ZNF608: variants seen among roughly 807,000 people sequenced by gnomAD.
ZNF608 encodes zinc finger protein 608.
Under a neutral mutation model 109.0 loss-of-function variants are expected in ZNF608, and 12 were observed. The observed-to-expected ratio is 0.11, with a 90% CI of 0.07 to 0.18. The LOEUF (loss-of-function observed/expected upper bound fraction) is 0.18. ZNF608 is among the 10% of genes least tolerant of loss of function. The pLI, the probability that ZNF608 is intolerant of heterozygous loss-of-function variation, is 1.00. For synonymous variants in ZNF608, 732 were observed against 717.4 expected (o/e 1.02, Z -0.33); for missense variants, 1,707 against 1,879.3 (o/e 0.91, Z 1.70).
At chr5:124,689,568 T>C (rs1431499712) in intron 3 of ZNF608, among the ~76,000 whole-genome samples, 1 of 151,524 alleles carries the variant, frequency 6.6e-6, no homozygotes, top group African/African-American at 2.4e-5. Flanking sequence ...AACAACTCTG[T>C]AAGAAAAATG....
chr5:124,657,904 T>C (rs553127237), intron 3 of ZNF608, among the ~76,000 whole-genome samples: 2 of 152,330 alleles, frequency 1.3e-5, no homozygotes, highest in East Asian at 3.9e-4. Flanking sequence ...TCAGGAATTT[T>C]GATCAGTAAC....
intron 2 of ZNF608, among the ~76,000 whole-genome samples, chr5:124,724,437 C>A (rs1419721304): frequency 6.9e-6 from 1 of 144,910 alleles, no homozygotes; most frequent in East Asian, 2.0e-4. Context: ...TTTCTCAGGG[C>A]TCTGGACCAG....
intron 2 of ZNF608, 57 bp from the exon 3 acceptor site, chr5:124,701,326 G>A: frequency 6.3e-7 from 1 of 1,589,316 alleles, no homozygotes; most frequent in Non-Finnish European, 8.6e-7. Flanking sequence ...TCCTTTTAAT[G>A]CAATTTGCTT....
At chr5:124,658,056 C>T (rs905469047) in intron 3 of ZNF608, among the ~76,000 whole-genome samples, 50 of 152,108 alleles carry the variant, frequency 3.3e-4, no homozygotes, top group African/African-American at 1.2e-3. Context: ...TTGTGTAGAC[C>T]GTTCCTCTAG....
chr5:124,647,368 G>C lies in ZNF608; in HGVS notation c.3016C>G (p.Pro1006Ala). 6.2e-7 allele frequency: 1 copy of C among 1,614,214 alleles called. No individual in the cohort carries two copies. Among genetic ancestry groups the C allele is most frequent in the South Asian group, 1.1e-5 (1 of 91,078 alleles). ...ACCTGCCCAGGGTGCATGTAACTTG[G>C]AGAATAATAAGGATCATAGCTGTGG... is the stretch of plus-strand genomic sequence containing the variant. ...YYHSYDPYYS[P>A]SYMHPGQVGA... is the part of the protein sequence containing the mutation. Residue 1006 changes from proline (P) to alanine (A), a missense_variant, in exon 5 of 10, where the codon CCA (proline) becomes GCA (alanine). Transcript: ENST00000513986.
intron 2 of ZNF608, among the ~76,000 whole-genome samples, chr5:124,735,461 CT>C (rs1363132396): frequency 6.6e-6 from 1 of 152,220 alleles, no homozygotes; most frequent in South Asian, 2.1e-4. Context: ...CCTCCATCTG[CT>C]CCCATAGCGA....
chr5:124,729,400 C>T (rs1196502292), intron 2 of ZNF608, among the ~76,000 whole-genome samples: 1 of 152,172 alleles, frequency 6.6e-6, no homozygotes, highest in Non-Finnish European at 1.5e-5. Flanking sequence ...TAACAATGCC[C>T]CTAAACCAAG....
chr5:124,695,854 G>A (rs1336197634), intron 3 of ZNF608, among the ~76,000 whole-genome samples: 1 of 152,064 alleles, frequency 6.6e-6, no homozygotes, highest in African/African-American at 2.4e-5. Flanking sequence ...TATAGGAGAA[G>A]CAGAAGAATT....
intron 2 of ZNF608, among the ~76,000 whole-genome samples, chr5:124,737,382 A>G (rs1228263353): frequency 6.6e-6 from 1 of 152,196 alleles, no homozygotes; most frequent in Admixed American, 6.5e-5. Context: ...TGATATTCAA[A>G]CTAGGTCGGG....
chr5:124,700,345 T>C (rs1015830933), intron 3 of ZNF608, among the ~76,000 whole-genome samples: 2 of 152,262 alleles, frequency 1.3e-5, no homozygotes, highest in African/African-American at 4.8e-5. Flanking sequence ...ATGCTCTGAT[T>C]TATATTCCAA....
chr5:124,644,221 T>C (rs1164720157), intron 6 of ZNF608, 23 bp downstream of exon 6: 6 of 1,562,472 alleles, frequency 3.8e-6, no homozygotes, highest in South Asian at 1.2e-5. Context: ...TCCTCCAATA[T>C]AGTCAGAACC....
chr5:124,670,058 C>T (rs1212327102), intron 3 of ZNF608, among the ~76,000 whole-genome samples: 4 of 152,146 alleles, frequency 2.6e-5, no homozygotes, highest in African/African-American at 9.7e-5. Flanking sequence ...AGCTTTTTAT[C>T]TGCCTGAGTC....
At chr5:124,660,909 C>T (rs1332065148) in intron 3 of ZNF608, among the ~76,000 whole-genome samples, 1 of 152,130 alleles carries the variant, frequency 6.6e-6, no homozygotes, top group East Asian at 1.9e-4. Context: ...CTCCCGCATT[C>T]CTCCCAGGTG....
upstream of ZNF608, among the ~76,000 whole-genome samples, chr5:124,748,021 G>C (rs1030194830): frequency 6.6e-6 from 1 of 152,114 alleles, no homozygotes; most frequent in Non-Finnish European, 1.5e-5. Context: ...TGGTATTTTT[G>C]TTGCTTGCTT....
intron 2 of ZNF608, chr5:124,734,579 C>T (rs1386434164): frequency 6.6e-6 from 1 of 152,148 alleles, no homozygotes; most frequent in Non-Finnish European, 1.5e-5. Context: ...TCAGTACAAC[C>T]ACCCCAGCCG....
upstream of ZNF608, chr5:124,748,601 A>G (rs1749719758): frequency 1.0e-6 from 1 of 984,054 alleles, no homozygotes. Context: ...CAGCCGCTTT[A>G]TTTTGGAAAT....
intron 2 of ZNF608, among the ~76,000 whole-genome samples, chr5:124,742,418 T>C (rs1168002338): frequency 6.6e-6 from 1 of 152,198 alleles, no homozygotes; most frequent in Non-Finnish European, 1.5e-5. Flanking sequence ...ACCACAGCCA[T>C]TGTGAGCACT....
chr5:124,743,125 T>C (rs1580728006), intron 2 of ZNF608, among the ~76,000 whole-genome samples: 2 of 152,192 alleles, frequency 1.3e-5, no homozygotes, highest in Admixed American at 6.5e-5. Flanking sequence ...GGGCAGGCAG[T>C]TCTTCCAAGG....
At chr5:124,726,601 T>C (rs747090073) in intron 2 of ZNF608, among the ~76,000 whole-genome samples, 6 of 151,408 alleles carry the variant, frequency 4.0e-5, no homozygotes, top group Non-Finnish European at 8.8e-5. Context: ...TGATTTCCCT[T>C]GTCCTCTTCT....
Sources: allele counts gnomAD v4.1 joint callset (sites outside exome capture counted in the v4.1 genomes callset), GRCh38; gene constraint gnomAD v4.1.1; transcripts MANE v1.5; gene names NCBI Gene and HGNC (gene_info 2026-07-23, HGNC 2026-07-21).